NALCN: variants seen among roughly 807,000 people sequenced by gnomAD.
NALCN encodes sodium leak channel, non-selective.
NALCN carries 111 observed loss-of-function variants against 225.3 expected under a neutral mutation model. That is an observed-to-expected ratio of 0.49 (90% CI 0.42 to 0.58). NALCN has a LOEUF of 0.58. Ranked by LOEUF, NALCN falls within the 20% of genes least tolerant of loss-of-function variation. NALCN has a pLI of 0.00. For missense variants in NALCN, 1,378 were observed against 2,202.4 expected, an observed-to-expected ratio of 0.63 and a Z score of 7.49; for synonymous variants, 764 against 769.0, an observed-to-expected ratio of 0.99 and a Z score of 0.11.
At chr13:101,238,773 G>T (rs2041655944) in intron 11 of NALCN, among the ~76,000 whole-genome samples, 1 of 151,906 alleles carries the variant, frequency 6.6e-6, no homozygotes, top group Non-Finnish European at 1.5e-5. Flanking sequence ...TTGAAGATAG[G>T]AATATAGCAG....
intron 40 of NALCN, among the ~76,000 whole-genome samples, chr13:101,064,966 G>A (rs1166487258): frequency 6.6e-6 from 1 of 152,170 alleles, no homozygotes; most frequent in Non-Finnish European, 1.5e-5. Flanking sequence ...CACAGAGCAG[G>A]CCAGGCAAAT....
intron 15 of NALCN, among the ~76,000 whole-genome samples, chr13:101,153,631 C>A (rs527254881): frequency 3.5e-4 from 54 of 152,212 alleles, no homozygotes; most frequent in Admixed American, 7.2e-4. Flanking sequence ...CTCAGGTGTC[C>A]CCCCCTGCCT....
At chr13:101,149,882 C>T (rs151145852) in intron 15 of NALCN, among the ~76,000 whole-genome samples, 97 of 152,288 alleles carry the variant, frequency 6.4e-4, no homozygotes, top group Non-Finnish European at 9.1e-4. Flanking sequence ...ACAGGTAAAT[C>T]CAGCAGCCCT....
At chr13:101,391,792 G>T (rs1238532392) in intron 3 of NALCN, among the ~76,000 whole-genome samples, 1 of 148,732 alleles carries the variant, frequency 6.7e-6, no homozygotes, top group East Asian at 1.9e-4. Context: ...AGACCATCCT[G>T]GCCAACACAG....
chr13:101,360,128 TTTTC>T (rs139137569), intron 6 of NALCN, among the ~76,000 whole-genome samples: 1,822 of 147,668 alleles, frequency 0.012, 33 homozygotes, highest in African/African-American at 0.043. Context: ...TTCCTTTCTT[TTTTC>T]TTTCTTTCTC....
rs554199478 is a variant in NALCN at position 101,224,822 on chromosome 13, C to G, written c.1626+4571G>C. Among the ~76,000 whole-genome samples the G allele has an allele frequency of 1.1e-4, 16 of 152,280 alleles. No homozygotes were observed. The South Asian group carries it at 3.1e-3, about 30-fold the overall frequency. The stretch of plus-strand genomic sequence containing the variant: ...AAGGGCCCATAACTACACACACCCC[C>G]CTTTTACAACAAGCCTCACTTTGCT... On this transcript the variant is annotated intron_variant, in intron 13 of 43. Coordinates refer to ENST00000251127, the MANE Select transcript of NALCN (RefSeq NM_052867.4).
At chr13:101,093,763 C>T (rs984545440) in intron 28 of NALCN, among the ~76,000 whole-genome samples, 4 of 152,128 alleles carry the variant, frequency 2.6e-5, no homozygotes, top group Non-Finnish European at 5.9e-5. Flanking sequence ...GGTCCCAGAG[C>T]TTTTTGGTTA....
chr13:101,216,204 G>A (rs1435263964), intron 13 of NALCN, among the ~76,000 whole-genome samples: 1 of 151,972 alleles, frequency 6.6e-6, no homozygotes, highest in Non-Finnish European at 1.5e-5. Flanking sequence ...ACAGCTCCAT[G>A]TACTCATTTA....
At chr13:101,379,400 C>A (rs1434211317) in intron 3 of NALCN, among the ~76,000 whole-genome samples, 1 of 152,030 alleles carries the variant, frequency 6.6e-6, no homozygotes, top group African/African-American at 2.4e-5. Flanking sequence ...CATTCTAGTA[C>A]AAGGACACAT....
chr13:101,106,915 A>C (rs1486986840), intron 22 of NALCN, among the ~76,000 whole-genome samples: 1 of 152,208 alleles, frequency 6.6e-6, no homozygotes, highest in Non-Finnish European at 1.5e-5. Context: ...GTTGCCTGTC[A>C]AACTTGGCTT....
chr13:101,114,793 A>G (rs1032688130), intron 18 of NALCN, among the ~76,000 whole-genome samples: 3 of 152,158 alleles, frequency 2.0e-5, no homozygotes, highest in Admixed American at 2.0e-4. Context: ...GGTTATTATC[A>G]CTGCCTTAAA....
At chr13:101,212,779 GC>G (rs1240634428) in intron 13 of NALCN, among the ~76,000 whole-genome samples, 1 of 151,988 alleles carries the variant, frequency 6.6e-6, no homozygotes, top group African/African-American at 2.4e-5. Context: ...GGGATGGCCT[GC>G]CCTAGATCAT....
intron 43 of NALCN, chr13:101,057,257 G>A (rs1363617698): frequency 1.3e-5 from 2 of 152,504 alleles, no homozygotes; most frequent in African/African-American, 4.8e-5. Context: ...ATTCCTGAGT[G>A]CTCTTAATGG....
At position 101,376,407 on chromosome 13, in the gene NALCN, C is replaced by G. The variant is rs922721708; in HGVS notation, c.644+293G>C. 1.5e-3 allele frequency among the ~76,000 whole-genome samples: 234 copies of G among 152,098 alleles called. 2 individuals are homozygous for G. The highest frequency in any genetic ancestry group is 7.1e-4 in the Non-Finnish European group (48 of 68,036). Reference sequence around the variant, plus strand: ...TGGTGCACGCCTGTAGTCCCAGCTACTTGGCAGGCTGAGGAAGGAGAAACG... The same window carrying G: ...TGGTGCACGCCTGTAGTCCCAGCTAGTTGGCAGGCTGAGGAAGGAGAAACG... On this transcript the variant is annotated intron_variant, in intron 6 of 43. Transcript: ENST00000251127.
At chr13:101,366,834 C>G (rs1412701596) in intron 6 of NALCN, among the ~76,000 whole-genome samples, 1 of 152,070 alleles carries the variant, frequency 6.6e-6, no homozygotes, top group Non-Finnish European at 1.5e-5. Context: ...TTATTATTGA[C>G]CATTGTCACC....
Position 101,168,124 on chromosome 13 carries a change from G to A in NALCN, c.1839+8176C>T, listed in dbSNP as rs1015827602. The stretch of plus-strand genomic sequence containing the variant: ...TGATCTTGGTGACAAACACATTCTA[G>A]GCTTTCCTCTTACCTCTTGTGCTGT... On this transcript the variant is annotated intron_variant, in intron 15 of 43. Transcript: ENST00000251127. Among the ~76,000 whole-genome samples, 36 of 152,032 alleles carry A rather than the reference G, an allele frequency of 2.4e-4. 1 individual carries two copies. Among genetic ancestry groups the A allele is most frequent in the Admixed American group, 1.7e-3 (26 of 15,274 alleles).
In NALCN at chr13:101,213,015, C is replaced by T. The variant is rs531091877; in HGVS notation, c.1626+16378G>A. ...ACAATCCTAAGCCAAAAGAACAAAG[C>T]TGGAGGCATCACGCTACCTGACTTC... On this transcript the variant is annotated intron_variant, in intron 13 of 43. Transcript: ENST00000251127. Among the ~76,000 whole-genome samples the T allele has an allele frequency of 2.6e-5, 4 of 152,244 alleles. No individual in the cohort carries two copies. The East Asian group carries it at 5.8e-4, about 22-fold the overall frequency.
chr13:101,179,093 C>G (rs1489432315), intron 14 of NALCN, among the ~76,000 whole-genome samples: 1 of 152,124 alleles, frequency 6.6e-6, no homozygotes, highest in African/African-American at 2.4e-5. Flanking sequence ...TGAGGCACTG[C>G]CTGGTCTGAT....
chr13:101,276,241 G>A (rs754041466), intron 10 of NALCN, among the ~76,000 whole-genome samples: 3 of 152,196 alleles, frequency 2.0e-5, no homozygotes, highest in Non-Finnish European at 2.9e-5. Context: ...TTAACGTGAG[G>A]ATAAATTTAT....
Sources: allele counts gnomAD v4.1 joint callset (sites outside exome capture counted in the v4.1 genomes callset), GRCh38; gene constraint gnomAD v4.1.1; transcripts MANE v1.5; gene names NCBI Gene and HGNC (gene_info 2026-07-23, HGNC 2026-07-21).